The following CDH12 variants were observed in gnomAD, a reference collection of about 807,000 sequenced individuals.
CDH12 encodes cadherin 12.
In CDH12, 41 loss-of-function variants were observed where a neutral mutation model predicts 74.1. The observed-to-expected ratio is 0.55, with a 90% confidence interval of 0.43 to 0.72. The LOEUF (loss-of-function observed/expected upper bound fraction) is 0.72. Among genes scored for constraint, CDH12 ranks in the 30% least tolerant of loss-of-function variants. CDH12 has a pLI of 0.00. For missense variants in CDH12, 945 were observed against 977.2 expected (o/e 0.97, Z 0.44); for synonymous variants, 399 against 355.0 (o/e 1.12, Z -1.39).
At chr5:21,752,689 T>C (rs1027117462) in intron 14 of CDH12, among the ~76,000 whole-genome samples, 1 of 151,954 alleles carries the variant, frequency 6.6e-6, no homozygotes, top group African/African-American at 2.4e-5. Context: ...AAATCTTCAC[T>C]GTGACCATTA....
At chr5:22,033,858 C>T (rs1183244886) in intron 5 of CDH12, among the ~76,000 whole-genome samples, 1 of 152,170 alleles carries the variant, frequency 6.6e-6, no homozygotes, top group Admixed American at 6.5e-5. Context: ...TGTACTCTCC[C>T]TCTTTAGCAC....
At chr5:22,254,233 T>G (rs1370229037) in intron 3 of CDH12, among the ~76,000 whole-genome samples, 1 of 151,900 alleles carries the variant, frequency 6.6e-6, no homozygotes, top group Non-Finnish European at 1.5e-5. Context: ...TTGGATTAAA[T>G]GAAGGTACAG....
intron 1 of CDH12, among the ~76,000 whole-genome samples, chr5:22,746,118 C>A (rs914964659): frequency 2.6e-5 from 4 of 152,048 alleles, no homozygotes; most frequent in South Asian, 2.1e-4. Flanking sequence ...TAATTAATTT[C>A]TCCAAAGTAT....
rs996131 is a variant in CDH12, at chr5:22,446,320, T to C, written c.-427-40969A>G. On this transcript the variant is annotated intron_variant, in intron 2 of 14. Transcript: ENST00000382254. ...AACTACTTCAACTTCAAACCCTTTCTAACTTTTAGTAGATGACGTGCCAAG... is the reference window on the plus strand; with the variant it reads ...AACTACTTCAACTTCAAACCCTTTCCAACTTTTAGTAGATGACGTGCCAAG... Among the ~76,000 whole-genome samples the C allele has an allele frequency of 5.7e-3, 864 of 152,266 alleles. 9 individuals carry two copies. Among genetic ancestry groups the C allele is most frequent in the Admixed American group, 0.018 (281 of 15,258 alleles).
At chr5:21,898,196 A>AT (rs35262923) in intron 6 of CDH12, among the ~76,000 whole-genome samples, 3 of 151,712 alleles carry the variant, frequency 2.0e-5, no homozygotes, top group Non-Finnish European at 4.4e-5. Context: ...TATACATTAA[A>AT]TTTTTTTTCT....
At chr5:22,065,910 G>T (rs566610835) in intron 5 of CDH12, among the ~76,000 whole-genome samples, 1 of 152,222 alleles carries the variant, frequency 6.6e-6, no homozygotes, top group East Asian at 1.9e-4. Flanking sequence ...GGGTCATCCT[G>T]TTCCTAGGAA....
chr5:22,320,633 T>G (rs1738833465), intron 3 of CDH12, among the ~76,000 whole-genome samples: 1 of 152,196 alleles, frequency 6.6e-6, no homozygotes, highest in Non-Finnish European at 1.5e-5. Context: ...ATAGATGTCT[T>G]TAGTATTTAA....
At chr5:22,250,704 G>A (rs1248733356) in intron 3 of CDH12, among the ~76,000 whole-genome samples, 1 of 152,168 alleles carries the variant, frequency 6.6e-6, no homozygotes, top group East Asian at 1.9e-4. Flanking sequence ...ACTAAGGATG[G>A]TAAATGTATC....
intron 8 of CDH12, among the ~76,000 whole-genome samples, chr5:21,838,682 A>G (rs1490361722): frequency 6.6e-6 from 1 of 152,192 alleles, no homozygotes; most frequent in East Asian, 1.9e-4. Context: ...GCCAAGCAGG[A>G]CTACTACTTT....
chr5:22,286,459 A>G (rs1737138488), intron 3 of CDH12, among the ~76,000 whole-genome samples: 1 of 152,168 alleles, frequency 6.6e-6, no homozygotes, highest in Non-Finnish European at 1.5e-5. Flanking sequence ...CTAGACACAC[A>G]AGGTTAAAGG....
chr5:22,667,639 A>T (rs933096033), intron 1 of CDH12, among the ~76,000 whole-genome samples: 8 of 152,156 alleles, frequency 5.3e-5, no homozygotes, highest in Non-Finnish European at 1.2e-4. Context: ...AGGTGGTTAT[A>T]AATAGTTACC....
rs35441841 is a variant in CDH12 at position 22,054,671 on chromosome 5, T to C, written c.231+23775A>G. Among the ~76,000 whole-genome samples the C allele has an allele frequency of 3.8e-3, 579 of 152,276 alleles. 1 individual carries two copies. The highest frequency in any genetic ancestry group is 7.2e-3 in the Non-Finnish European group (491 of 68,014). On this transcript the variant is annotated intron_variant, in intron 5 of 14. Transcript: ENST00000382254. ...TCTAAAAGTTTGTAAAAGAGCAGAA[T>C]AATTTTATGGCAGTAATATGGAGTC...
At chr5:22,499,887 T>C (rs1474311414) in intron 2 of CDH12, among the ~76,000 whole-genome samples, 1 of 152,170 alleles carries the variant, frequency 6.6e-6, no homozygotes, top group African/African-American at 2.4e-5. Flanking sequence ...ACTACAGTTC[T>C]CCTTAACTAA....
At chr5:21,908,623 A>G (rs1753740421) in intron 6 of CDH12, among the ~76,000 whole-genome samples, 1 of 152,204 alleles carries the variant, frequency 6.6e-6, no homozygotes, top group Non-Finnish European at 1.5e-5. Context: ...TATCTCATTG[A>G]CCAAAGCAAG....
At chr5:21,764,030 C>T (rs1744866704) in intron 12 of CDH12, among the ~76,000 whole-genome samples, 1 of 152,130 alleles carries the variant, frequency 6.6e-6, no homozygotes, top group Non-Finnish European at 1.5e-5. Context: ...TGGGAAAATG[C>T]ACTCTAAAGT....
At chr5:22,056,486 T>A (rs1740752901) in intron 5 of CDH12, among the ~76,000 whole-genome samples, 1 of 152,192 alleles carries the variant, frequency 6.6e-6, no homozygotes, top group Admixed American at 6.5e-5. Context: ...ATGAGCATAC[T>A]TGTGCTAGGA....
intron 1 of CDH12, among the ~76,000 whole-genome samples, chr5:22,702,090 G>A (rs559220486): frequency 2.0e-4 from 30 of 152,190 alleles, no homozygotes; most frequent in Admixed American, 6.5e-4. Context: ...GTCTAGAGGC[G>A]TCTGGAACAA....
At chr5:22,150,814 T>C (rs1489512308) in intron 4 of CDH12, among the ~76,000 whole-genome samples, 2 of 152,106 alleles carry the variant, frequency 1.3e-5, no homozygotes, top group African/African-American at 4.8e-5. Context: ...ATATCCCCTC[T>C]AGGTGGACAA....
At chr5:22,058,558 C>T (rs945740136) in intron 5 of CDH12, among the ~76,000 whole-genome samples, 1 of 150,704 alleles carries the variant, frequency 6.6e-6, no homozygotes, top group Non-Finnish European at 1.5e-5. Flanking sequence ...TATAGATTAC[C>T]GCGGGTTTTT....
Sources: gnomAD v4.1 joint callset for allele counts (sites outside exome capture counted in the v4.1 genomes callset) on GRCh38, gnomAD v4.1.1 for gene constraint, MANE v1.5 for transcripts, NCBI Gene and HGNC (gene_info 2026-07-23, HGNC 2026-07-21) for gene names.